PTPRN2: variants seen among roughly 807,000 people sequenced by gnomAD.
The protein encoded by PTPRN2 is receptor-type tyrosine-protein phosphatase N2.
PTPRN2 carries 74 observed loss-of-function variants against 118.8 expected under a neutral mutation model. The observed-to-expected ratio is 0.62, with a 90% CI of 0.52 to 0.76. The LOEUF (loss-of-function observed/expected upper bound fraction) is 0.76. Among genes scored for constraint, PTPRN2 ranks in the 30% least tolerant of loss-of-function variants. PTPRN2 has a pLI of 0.00. For synonymous variants in PTPRN2, 641 were observed against 608.0 expected, an observed-to-expected ratio of 1.05 and a Z score of -0.80; for missense variants, 1,481 against 1,394.4, an observed-to-expected ratio of 1.06 and a Z score of -0.99.
chr7:157,772,726 G>C (rs1054208015), intron 12 of PTPRN2, among the ~76,000 whole-genome samples: 1 of 152,256 alleles, frequency 6.6e-6, no homozygotes, highest in Non-Finnish European at 1.5e-5. Context: ...GGGTCTGGGG[G>C]GACCCCTGTG....
At chr7:158,575,316 A>G (rs1037452407) in intron 1 of PTPRN2, among the ~76,000 whole-genome samples, 1 of 152,196 alleles carries the variant, frequency 6.6e-6, no homozygotes, top group African/African-American at 2.4e-5. Context: ...AACAAATGTT[A>G]TATATTATTT....
intron 3 of PTPRN2, among the ~76,000 whole-genome samples, chr7:158,246,272 G>A (rs1431868260): frequency 2.6e-5 from 4 of 151,752 alleles, no homozygotes; most frequent in Non-Finnish European, 4.4e-5. Flanking sequence ...AGGAAGAGGG[G>A]GAAAAATCCA....
At chr7:157,960,018 A>C (rs529236888) in intron 11 of PTPRN2, among the ~76,000 whole-genome samples, 2 of 152,320 alleles carry the variant, frequency 1.3e-5, no homozygotes, top group South Asian at 4.1e-4. Context: ...AAGGACATTC[A>C]TCCAAGCTAC....
At chr7:157,560,000 C>T (rs1420972316) in intron 21 of PTPRN2, among the ~76,000 whole-genome samples, 2 of 152,200 alleles carry the variant, frequency 1.3e-5, no homozygotes, top group East Asian at 1.9e-4. Flanking sequence ...CCTGGATGGG[C>T]TGGTGCCAGC....
At chr7:157,669,870 C>T (rs1012447473) in intron 13 of PTPRN2, among the ~76,000 whole-genome samples, 7 of 152,144 alleles carry the variant, frequency 4.6e-5, no homozygotes, top group African/African-American at 1.7e-4. Context: ...CTCCGGGCAT[C>T]CAGGCGTGTG....
intron 14 of PTPRN2, among the ~76,000 whole-genome samples, chr7:157,644,805 A>AAC (rs1554512587): frequency 1.6e-4 from 12 of 76,236 alleles, no homozygotes; most frequent in African/African-American, 6.0e-4. Flanking sequence ...CAAAAAACAA[A>AAC]AAAAAAAAAA....
intron 6 of PTPRN2, among the ~76,000 whole-genome samples, chr7:158,165,594 T>C (rs1054722061): frequency 6.6e-6 from 1 of 152,254 alleles, no homozygotes; most frequent in Non-Finnish European, 1.5e-5. Context: ...GAGAAGCTGA[T>C]GCTCGCTCTC....
At position 157,583,888 on chromosome 7, in the gene PTPRN2, AC is replaced by A. The variant is rs1800520757; in HGVS notation, c.2497-5749del. Among the ~76,000 whole-genome samples the A allele has an allele frequency of 9.5e-5, 2 of 21,158 alleles. No homozygotes were observed. The highest frequency in any genetic ancestry group is 2.1e-4 in the Non-Finnish European group (2 of 9,690). 13.9% of individuals were successfully genotyped at this position (21,158 alleles called of 152,430 possible). A position where few individuals can be genotyped will look rare whatever the true frequency, so the allele number is the denominator to read the frequency against. Reference sequence around the variant, plus strand: ...CAGAGCGAGACTCTGTCTCAAACACACACACACACACACACACACACACACA... The same window carrying A: ...CAGAGCGAGACTCTGTCTCAAACACAACACACACACACACACACACACACA... On this transcript the variant is annotated intron_variant, in intron 17 of 22. Transcript: ENST00000389418. This position sits in a 1 kb window ranked among gnomAD's most constrained non-coding sequence, Gnocchi z 5.5.
At chr7:158,273,422 G>A (rs111607491) in intron 3 of PTPRN2, among the ~76,000 whole-genome samples, 13,040 of 102,802 alleles carry the variant, frequency 0.13, 1,288 homozygotes, top group African/African-American at 0.22. Context: ...AGACAGACGC[G>A]GGAGGAGCCG....
rs948233836 is a variant in PTPRN2 at position 157,756,732 on chromosome 7, C to G, written c.1789-73795G>C. Among the ~76,000 whole-genome samples, 8 of 151,648 alleles carry G rather than the reference C, an allele frequency of 5.3e-5. No individual in the cohort carries two copies. The South Asian group carries it at 1.7e-3, about 32-fold the overall frequency. On this transcript the variant is annotated intron_variant, in intron 12 of 22. Coordinates refer to ENST00000389418, the MANE Select transcript of PTPRN2 (RefSeq NM_002847.5). ...GGACTCAAGGAACATCAGCAGTGTCCTTACCTTCATAGGAATTAAGGCCAA... is the reference window on the plus strand; with the variant it reads ...GGACTCAAGGAACATCAGCAGTGTCGTTACCTTCATAGGAATTAAGGCCAA...
At chr7:158,108,790 A>T (rs145423165) in intron 10 of PTPRN2, among the ~76,000 whole-genome samples, 167 of 152,338 alleles carry the variant, frequency 1.1e-3, no homozygotes, top group African/African-American at 3.7e-3. Context: ...AATAAATGGC[A>T]GAATTGAGGC....
At chr7:158,260,739 A>G (rs1797344729) in intron 3 of PTPRN2, among the ~76,000 whole-genome samples, 1 of 152,154 alleles carries the variant, frequency 6.6e-6, no homozygotes, top group South Asian at 2.1e-4. Context: ...TCAGGCTGGC[A>G]TTTCCAGAAA....
intron 2 of PTPRN2, among the ~76,000 whole-genome samples, chr7:158,337,439 C>T (rs1586353911): frequency 7.0e-6 from 1 of 142,130 alleles, no homozygotes; most frequent in African/African-American, 2.6e-5. Context: ...TAAGAGGTGA[C>T]ACCCACAGAC....
chr7:158,174,824 G>A (rs1171387855), intron 5 of PTPRN2, among the ~76,000 whole-genome samples: 6 of 152,156 alleles, frequency 3.9e-5, no homozygotes, highest in Non-Finnish European at 5.9e-5. Flanking sequence ...ACAGAGCCAC[G>A]CCCTGCACCA....
chr7:158,423,579 G>A (rs1479656056), intron 2 of PTPRN2, among the ~76,000 whole-genome samples: 1 of 151,994 alleles, frequency 6.6e-6, no homozygotes, highest in Non-Finnish European at 1.5e-5. Flanking sequence ...TGTCACCCAG[G>A]CTGGAGTGCA....
At chr7:158,110,954 A>AGCCAG in intron 9 of PTPRN2, 39 bp from the exon 10 acceptor site, 1 of 1,508,228 alleles carries the variant, frequency 6.6e-7, no homozygotes, top group Non-Finnish European at 8.9e-7. Flanking sequence ...GTCACCACAG[A>AGCCAG]GCCAGCAGTC....
At chr7:158,150,667 G>C (rs756098688) in intron 6 of PTPRN2, among the ~76,000 whole-genome samples, 45 of 152,036 alleles carry the variant, frequency 3.0e-4, no homozygotes, top group Non-Finnish European at 5.7e-4. Flanking sequence ...CATAACCCAG[G>C]GGGGTCACTG....
chr7:157,884,657 C>T (rs1796353460), intron 12 of PTPRN2, among the ~76,000 whole-genome samples: 1 of 152,210 alleles, frequency 6.6e-6, no homozygotes, highest in Admixed American at 6.5e-5. Context: ...AGGTCAGAGG[C>T]ACATCTCACA....
chr7:157,988,015 G>A (rs948045993), intron 11 of PTPRN2, among the ~76,000 whole-genome samples: 12 of 151,662 alleles, frequency 7.9e-5, no homozygotes, highest in African/African-American at 2.7e-4. Flanking sequence ...AACACTGTCC[G>A]GACATGCAGG....
Sources: allele counts gnomAD v4.1 joint callset (sites outside exome capture counted in the v4.1 genomes callset), GRCh38; gene constraint gnomAD v4.1.1; non-coding constraint Gnocchi (gnomAD v3.1); transcripts MANE v1.5; gene names NCBI Gene and HGNC (gene_info 2026-07-23, HGNC 2026-07-21).